Variants in TPO observed in about 807,000 individuals in gnomAD.
TPO encodes thyroid peroxidase, also known as thyroid microsomal antigen.
A neutral mutation model predicts 96.9 loss-of-function variants in TPO; 78 were observed. The ratio of observed to expected loss-of-function variants is 0.81; its 90% CI spans 0.67 to 0.97. The LOEUF is 0.97. Among genes scored for constraint, TPO ranks in the 50% least tolerant of loss-of-function variants. The pLI, the probability that TPO is intolerant of heterozygous loss-of-function variation, is 0.00. For synonymous variants in TPO, 547 were observed against 538.0 expected, an observed-to-expected ratio of 1.02 and a Z score of -0.23; for missense variants, 1,252 against 1,274.8, an observed-to-expected ratio of 0.98 and a Z score of 0.27.
intron 15 of TPO, among the ~76,000 whole-genome samples, chr2:1,522,488 C>G (rs1255437183): frequency 2.0e-5 from 3 of 150,994 alleles, no homozygotes; most frequent in Non-Finnish European, 4.4e-5. Context: ...CCCACACCGG[C>G]CCGCCACCGT....
chr2:1,529,715 CAAATCCCCCCACTGTGAGCAATCTCCT>C (rs1677586403), intron 15 of TPO, among the ~76,000 whole-genome samples: 2 of 60,426 alleles, frequency 3.3e-5, no homozygotes, highest in Admixed American at 1.8e-4. Flanking sequence ...GCAACCTCCT[CAAATCCCCCCACTGTGAGCAATCTCCT>C]CAAATCCCCC....
At chr2:1,471,325 T>G (rs1448610218) in intron 7 of TPO, among the ~76,000 whole-genome samples, 1 of 152,144 alleles carries the variant, frequency 6.6e-6, no homozygotes, top group Admixed American at 6.5e-5. Context: ...ACCTTCCTAT[T>G]ACACTTTTTC....
At position 1,487,973 on chromosome 2, in the gene TPO, CG is replaced by C; in HGVS notation, c.1753del (p.Asp585ThrfsTer25). Reference protein sequence around the residue: ...DLASINLQRGRDHGLPGYNEW... With the variant: ...DLASINLQRGXDHGLPGYNEW... ...GGCGTCCATCAACCTGCAGAGGGGC[CG>C]GGACCACGGGCTGCCAGGTCTGCCA... On this transcript the variant is annotated frameshift_variant, in exon 10 of 17. Coordinates refer to ENST00000329066, the MANE Select transcript of TPO (RefSeq NM_001206744.2). LOFTEE classifies it high-confidence loss of function. The C allele has an allele frequency of 6.2e-7, 1 of 1,613,336 alleles. No individual in the cohort carries two copies. Among genetic ancestry groups the C allele is most frequent in the Non-Finnish European group, 8.5e-7 (1 of 1,180,024 alleles).
chr2:1,540,873 T>C, intron 16 of TPO, 150 bp downstream of exon 16: 1 of 1,551,080 alleles, frequency 6.4e-7, no homozygotes, highest in East Asian at 2.4e-5. Context: ...GGAGGTTTTA[T>C]TTACAAGCTA....
intron 2 of TPO, among the ~76,000 whole-genome samples, chr2:1,416,864 C>T (rs928271450): frequency 1.3e-5 from 2 of 152,230 alleles, no homozygotes; most frequent in African/African-American, 4.8e-5. Context: ...TGCTCCCCAG[C>T]CTCTGTGCAG....
Position 1,487,725 on chromosome 2 carries a change from T to C in TPO, c.1598-96T>C, listed in dbSNP as rs6727192. On this transcript the variant is annotated intron_variant, in intron 9 of 16. Coordinates refer to ENST00000329066, the MANE Select transcript of TPO (RefSeq NM_001206744.2). ...ACTCCAGCCTGGGCAACAGAAAGAA[T>C]GAGACTCCGTCTCAAAAAAAAAAAA... is the stretch of plus-strand genomic sequence containing the variant. 694,357 of 1,494,828 alleles carry C rather than the reference T, an allele frequency of 0.46. 164,857 individuals are homozygous for C. The highest frequency in any genetic ancestry group is 0.67 in the African/African-American group (48,472 of 71,916). 92.6% of individuals were successfully genotyped at this position (1,494,828 alleles called of 1,614,324 possible). A position where few individuals can be genotyped will look rare whatever the true frequency, so the allele number is the denominator to read the frequency against.
At chr2:1,497,118 T>C (rs1672435857) in intron 13 of TPO, among the ~76,000 whole-genome samples, 1 of 152,144 alleles carries the variant, frequency 6.6e-6, no homozygotes, top group African/African-American at 2.4e-5. Context: ...CAGGAACCCA[T>C]AGAGTAAGGC....
intron 15 of TPO, among the ~76,000 whole-genome samples, chr2:1,535,817 C>T (rs1432095978): frequency 1.1e-5 from 1 of 92,044 alleles, no homozygotes; most frequent in African/African-American, 4.0e-5. Flanking sequence ...CCACTGTGTG[C>T]AACCTGCTCA....
At chr2:1,395,502 G>T (rs1662065964) in intron 1 of TPO, among the ~76,000 whole-genome samples, 1 of 152,032 alleles carries the variant, frequency 6.6e-6, no homozygotes, top group African/African-American at 2.4e-5. Context: ...CGTATTTTTT[G>T]ATAGATTTAA....
intron 14 of TPO, 118 bp from the exon 15 acceptor site, chr2:1,516,765 A>G (rs1674756415): frequency 3.4e-6 from 3 of 883,846 alleles, no homozygotes; most frequent in Non-Finnish European, 3.8e-6. Context: ...TCCCTGCGTC[A>G]TGCTGTGGGG....
At chr2:1,525,388 C>A (rs929701945) in intron 15 of TPO, among the ~76,000 whole-genome samples, 2 of 136,846 alleles carry the variant, frequency 1.5e-5, no homozygotes, top group Non-Finnish European at 3.1e-5. Flanking sequence ...CCACAAATCC[C>A]CCCAATGTGT....
rs1465170602 is a variant in TPO at position 1,413,560 on chromosome 2, C to T, written c.-2+15C>T. Reference sequence around the variant, plus strand: ...GAGGAAAAAAGGTCAGGTTGTAAAGCTTTTTATTTTTCCATTTTCTAAGAG... The same window carrying T: ...GAGGAAAAAAGGTCAGGTTGTAAAGTTTTTTATTTTTCCATTTTCTAAGAG... On this transcript the variant is annotated intron_variant, in intron 1 of 16. Transcript: ENST00000329066. The T allele has an allele frequency of 3.1e-6, 2 of 651,876 alleles. No individual in the cohort carries two copies. The highest frequency in any genetic ancestry group is 1.9e-6 in the Non-Finnish European group (1 of 525,342). 40.4% of individuals were successfully genotyped at this position (651,876 alleles called of 1,614,324 possible). A position where few individuals can be genotyped will look rare whatever the true frequency, so the allele number is the denominator to read the frequency against.
chr2:1,447,785 C>G (rs1013256556), intron 5 of TPO, among the ~76,000 whole-genome samples: 2 of 152,112 alleles, frequency 1.3e-5, no homozygotes, highest in African/African-American at 2.4e-5. Context: ...CAGAACCATC[C>G]TTTACCCAGT....
intron 1 of TPO, among the ~76,000 whole-genome samples, chr2:1,384,536 G>A (rs2148348207): frequency 6.6e-6 from 1 of 152,292 alleles, no homozygotes; most frequent in South Asian, 2.1e-4. Flanking sequence ...GTATAAGAAT[G>A]CTTGTGATTT....
chr2:1,467,542 C>T (rs913048270), intron 7 of TPO, among the ~76,000 whole-genome samples: 4 of 152,120 alleles, frequency 2.6e-5, no homozygotes, highest in Non-Finnish European at 5.9e-5. Flanking sequence ...TCACTGTGGT[C>T]TGAGAGAGTG....
At chr2:1,515,119 ACCTGG>A (rs915392889) in intron 14 of TPO, among the ~76,000 whole-genome samples, 1 of 152,102 alleles carries the variant, frequency 6.6e-6, no homozygotes, top group Non-Finnish European at 1.5e-5. Flanking sequence ...GACTGCCCTG[ACCTGG>A]CCTGTGCTTA....
At chr2:1,407,670 G>A (rs190891240) in intron 1 of TPO, among the ~76,000 whole-genome samples, 6 of 152,216 alleles carry the variant, frequency 3.9e-5, no homozygotes, top group Non-Finnish European at 5.9e-5. Flanking sequence ...TAAAACTGAG[G>A]CTATCAGAAT....
intron 5 of TPO, among the ~76,000 whole-genome samples, chr2:1,448,371 G>A (rs1249565800): frequency 2.0e-5 from 3 of 152,166 alleles, no homozygotes; most frequent in Admixed American, 1.3e-4. Flanking sequence ...AGCCTCTGCC[G>A]AGCCCTCCCG....
chr2:1,526,245 TC>T (rs1282440434), intron 15 of TPO, among the ~76,000 whole-genome samples: 14 of 29,144 alleles, frequency 4.8e-4, no homozygotes, highest in Non-Finnish European at 2.5e-4. Context: ...CACCCCCAAG[TC>T]CCCCCCACTG....
Sources: allele counts gnomAD v4.1 joint callset (sites outside exome capture counted in the v4.1 genomes callset), GRCh38; gene constraint gnomAD v4.1.1; transcripts MANE v1.5; gene names NCBI Gene and HGNC (gene_info 2026-07-23, HGNC 2026-07-21).